The following FBXO38 variants were observed in gnomAD, a reference collection of about 807,000 sequenced individuals.
FBXO38 encodes F-box only protein 38.
In FBXO38, 53 loss-of-function variants were observed where a neutral mutation model predicts 131.9. That is an observed-to-expected ratio of 0.40 (90% CI 0.32 to 0.51). The LOEUF (loss-of-function observed/expected upper bound fraction) is 0.51. Among genes scored for constraint, FBXO38 ranks in the 20% least tolerant of loss-of-function variants. FBXO38 has a pLI of 0.53. For synonymous variants in FBXO38, 452 were observed against 505.6 expected (o/e 0.89, Z 1.42); for missense variants, 1,076 against 1,475.6 (o/e 0.73, Z 4.44).
intron 1 of FBXO38, among the ~76,000 whole-genome samples, chr5:148,393,205 G>GTT (rs1293657552): frequency 1.3e-5 from 2 of 149,812 alleles, no homozygotes; most frequent in African/African-American, 5.0e-5. Context: ...GTGTGTGTGT[G>GTT]TGTGTGTGTG....
Position 148,427,451 on chromosome 5 carries a change from C to T in FBXO38, c.2157C>T (p.Asn719=), listed in dbSNP as rs374180472. ...ASTVGNSSSH[N]TASQSPDFVR... ...CAGTGGGAAACTCCAGCTCACACAA[C>T]ACTGCTTCTCAAAGCCCCGACTTTG... The change falls in exon 15 of 22, where the codon AAC becomes AAT. Residue 719 remains asparagine (N), a synonymous_variant. Coordinates refer to ENST00000340253, the MANE Select transcript of FBXO38 (RefSeq NM_205836.3). 19 of 1,614,124 alleles carry T rather than the reference C, an allele frequency of 1.2e-5. 1 individual carries two copies. The African/African-American group carries it at 1.9e-4, about 16-fold the overall frequency.
At chr5:148,403,885 T>G (rs1323198334) in intron 5 of FBXO38, among the ~76,000 whole-genome samples, 1 of 152,196 alleles carries the variant, frequency 6.6e-6, no homozygotes, top group Non-Finnish European at 1.5e-5. Context: ...CCTGGATCCT[T>G]GGATTTCTTT....
intron 13 of FBXO38, among the ~76,000 whole-genome samples, chr5:148,425,294 A>T (rs968627414): frequency 2.0e-5 from 3 of 152,206 alleles, no homozygotes; most frequent in Non-Finnish European, 4.4e-5. Context: ...TTGGAAATGC[A>T]TCAAGTTGGT....
chr5:148,436,015 A>G (rs1341468458), intron 17 of FBXO38, among the ~76,000 whole-genome samples: 1 of 152,188 alleles, frequency 6.6e-6, no homozygotes, highest in Non-Finnish European at 1.5e-5. Context: ...TAAAACAGTA[A>G]CATCAGAGAT....
intron 14 of FBXO38, among the ~76,000 whole-genome samples, chr5:148,426,454 A>G (rs1753718946): frequency 6.6e-6 from 1 of 152,208 alleles, no homozygotes; most frequent in African/African-American, 2.4e-5. Context: ...TCATTGACTC[A>G]TTATTCAATT....
At chr5:148,435,830 G>A (rs1190141852) in intron 17 of FBXO38, among the ~76,000 whole-genome samples, 1 of 152,160 alleles carries the variant, frequency 6.6e-6, no homozygotes, top group Middle Eastern at 3.2e-3. Context: ...TGAACACTTA[G>A]AGGCCATTGT....
intron 12 of FBXO38, among the ~76,000 whole-genome samples, chr5:148,422,148 C>T (rs1230171457): frequency 6.6e-6 from 1 of 151,680 alleles, no homozygotes; most frequent in Non-Finnish European, 1.5e-5. Flanking sequence ...AGTCTTTTAA[C>T]AACAAACCAA....
chr5:148,397,218 A>G (rs947942904), intron 2 of FBXO38, among the ~76,000 whole-genome samples: 1 of 152,178 alleles, frequency 6.6e-6, no homozygotes, highest in African/African-American at 2.4e-5. Flanking sequence ...AAAGAAACCT[A>G]ATCTTTGCTG....
chr5:148,411,357 C>T (rs1386870928), intron 9 of FBXO38, among the ~76,000 whole-genome samples: 1 of 152,184 alleles, frequency 6.6e-6, no homozygotes, highest in East Asian at 1.9e-4. Context: ...ATTACTCAAA[C>T]TATTTTTCCA....
At position 148,406,525 on chromosome 5, in the gene FBXO38, T is replaced by A; in HGVS notation, c.868+131T>A. 1.2e-5 allele frequency: 8 copies of A among 690,124 alleles called. No individual in the cohort carries two copies. The South Asian group carries it at 2.0e-4, about 18-fold the overall frequency. The allele number at this position is 690,124 out of a possible 1,614,324, so 42.8% of individuals were successfully genotyped here. A position where few individuals can be genotyped will look rare whatever the true frequency, so the allele number is the denominator to read the frequency against. On this transcript the variant is annotated intron_variant, in intron 7 of 21. Transcript: ENST00000340253. ...TCAGTAACTGCTTTCTTTGTTGTAT[T>A]TGATGGACAGTAAGTAACCATGAGC... is the stretch of plus-strand genomic sequence containing the variant.
At chr5:148,410,906 A>G (rs1752711480) in intron 9 of FBXO38, 141 bp downstream of exon 9, 1 of 708,094 alleles carries the variant, frequency 1.4e-6, no homozygotes, top group Non-Finnish European at 2.2e-6. Flanking sequence ...TGAAAAATAA[A>G]CTTTTAAATT....
chr5:148,403,478 A>T (rs1332515520), intron 5 of FBXO38, among the ~76,000 whole-genome samples: 1 of 152,074 alleles, frequency 6.6e-6, no homozygotes, highest in Non-Finnish European at 1.5e-5. Context: ...TGGGTTTCCT[A>T]ATCAGTACAA....
In FBXO38 at chr5:148,413,581, T is replaced by C. The variant is rs1234647325; in HGVS notation, c.1094-555T>C. On this transcript the variant is annotated intron_variant, in intron 9 of 21. Transcript: ENST00000340253. ...TTTACTTATTCCCAAACCCCTAGTT[T>C]GTGACCAGAGAGTAGGCACTAAAGC... The C allele has an allele frequency of 2.6e-5, 4 of 152,250 alleles. No individual in the cohort carries two copies. The East Asian group carries it at 7.7e-4, about 29-fold the overall frequency. The allele number at this position is 152,250 out of a possible 1,614,324, so 9.4% of individuals were successfully genotyped here.
intron 1 of FBXO38, among the ~76,000 whole-genome samples, chr5:148,387,331 A>G (rs1423463566): frequency 3.9e-5 from 6 of 152,188 alleles, no homozygotes; most frequent in African/African-American, 1.2e-4. Context: ...TCATCTGTTC[A>G]AGTTTTATCA....
At chr5:148,405,557 A>G (rs140572158) in intron 6 of FBXO38, among the ~76,000 whole-genome samples, 19 of 152,192 alleles carry the variant, frequency 1.2e-4, no homozygotes, top group Non-Finnish European at 2.1e-4. Flanking sequence ...CACCTTTCCA[A>G]GATATATCTT....
Position 148,442,818 on chromosome 5 carries a change from A to G in FBXO38, c.*671A>G, listed in dbSNP as rs1218374726. ...TATGCTTTATCTTGAATATAAAATA[A>G]AAGTTTATTAAAAACTTTTCTCTTG... On this transcript the variant is annotated 3_prime_UTR_variant, in exon 22 of 22. Transcript: ENST00000340253. The G allele has an allele frequency of 6.6e-6, 1 of 152,184 alleles. No individual in the cohort carries two copies. Among genetic ancestry groups the G allele is most frequent in the Non-Finnish European group, 1.5e-5 (1 of 68,038 alleles). The allele number at this position is 152,184 out of a possible 1,614,324, so 9.4% of individuals were successfully genotyped here. A position where few individuals can be genotyped will look rare whatever the true frequency, so the allele number is the denominator to read the frequency against.
At chr5:148,393,802 G>A (rs1480927326) in intron 1 of FBXO38, among the ~76,000 whole-genome samples, 1 of 152,094 alleles carries the variant, frequency 6.6e-6, no homozygotes, top group African/African-American at 2.4e-5. Context: ...TAATATAAAA[G>A]AGACCAATAT....
At chr5:148,398,028 C>G (rs1434752610) in intron 2 of FBXO38, among the ~76,000 whole-genome samples, 1 of 152,038 alleles carries the variant, frequency 6.6e-6, no homozygotes, top group Non-Finnish European at 1.5e-5. Flanking sequence ...CCACCTGGAG[C>G]CCTCCAGCTG....
chr5:148,412,692 G>A (rs1257499936), intron 9 of FBXO38, among the ~76,000 whole-genome samples: 8 of 152,058 alleles, frequency 5.3e-5, no homozygotes, highest in Non-Finnish European at 7.4e-5. Flanking sequence ...TACTAATCAT[G>A]AGACCTAAGC....
Sources: allele counts gnomAD v4.1 joint callset (sites outside exome capture counted in the v4.1 genomes callset), GRCh38; gene constraint gnomAD v4.1.1; transcripts MANE v1.5; gene names NCBI Gene and HGNC (gene_info 2026-07-23, HGNC 2026-07-21).